PGS1: variants seen among roughly 807,000 people sequenced by gnomAD.
PGS1 encodes CDP-diacylglycerol--glycerol-3-phosphate 3-phosphatidyltransferase, mitochondrial.
In PGS1, 44 loss-of-function variants were observed where a neutral mutation model predicts 58.3. That is an observed-to-expected ratio of 0.75 (90% CI 0.59 to 0.97). PGS1 has a LOEUF of 0.97. PGS1 is among the 50% of genes least tolerant of loss of function. PGS1 has a pLI of 0.00. For synonymous variants in PGS1, 330 were observed against 311.0 expected (o/e 1.06, Z -0.64); for missense variants, 684 against 731.1 (o/e 0.94, Z 0.74).
intron 7 of PGS1, among the ~76,000 whole-genome samples, chr17:78,408,917 G>T (rs1200764920): frequency 2.0e-5 from 3 of 152,220 alleles, no homozygotes; most frequent in African/African-American, 7.2e-5. Flanking sequence ...ATCTGGATGG[G>T]TGCTGAGCTT....
At chr17:78,396,940 A>G (rs2146178751) in intron 3 of PGS1, among the ~76,000 whole-genome samples, 1 of 152,272 alleles carries the variant, frequency 6.6e-6, no homozygotes, top group South Asian at 2.1e-4. Context: ...TAAAGCTCCA[A>G]ATATTTACTC....
intron 7 of PGS1, among the ~76,000 whole-genome samples, chr17:78,409,030 C>T (rs890139426): frequency 3.3e-5 from 5 of 152,336 alleles, no homozygotes; most frequent in Middle Eastern, 3.4e-3. Flanking sequence ...CCAGTAAGCT[C>T]GCTTCGAGGT....
intron 9 of PGS1, chr17:78,420,846 C>T (rs1253965684): frequency 2.0e-5 from 3 of 152,126 alleles, no homozygotes; most frequent in Non-Finnish European, 4.4e-5. Flanking sequence ...CACACGTGTC[C>T]GTATTTCTAA....
At position 78,424,282 on chromosome 17, in the gene PGS1, C is replaced by T; in HGVS notation, c.*232C>T. 8.4e-7 allele frequency: 1 copy of T among 1,195,936 alleles called. No homozygotes were observed. The highest frequency in any genetic ancestry group is 1.1e-6 in the Non-Finnish European group (1 of 880,440). 74.1% of individuals were successfully genotyped at this position (1,195,936 alleles called of 1,614,324 possible). On this transcript the variant is annotated 3_prime_UTR_variant, in exon 10 of 10. Coordinates refer to ENST00000262764, the MANE Select transcript of PGS1 (RefSeq NM_024419.5). Reference sequence around the variant, plus strand: ...GGCTCTACCCCAAAAGGCTTCAGGCCAGCTGCCACGGCTGGAAGCAGAGGC... The same window carrying T: ...GGCTCTACCCCAAAAGGCTTCAGGCTAGCTGCCACGGCTGGAAGCAGAGGC...
In PGS1 at chr17:78,387,864, C is replaced by G. The variant is rs1332325056; in HGVS notation, c.144-4612C>G. ...CCTCCTGCCTCAGCCTCCTAAAGCA[C>G]TGGGATTATAGGCACATGCTACCGT... is the stretch of plus-strand genomic sequence containing the variant. On this transcript the variant is annotated intron_variant, in intron 1 of 9. Coordinates refer to ENST00000262764, the MANE Select transcript of PGS1 (RefSeq NM_024419.5). Among the ~76,000 whole-genome samples the G allele has an allele frequency of 2.6e-5, 4 of 152,166 alleles. No individual in the cohort carries two copies. The East Asian group carries it at 7.7e-4, about 29-fold the overall frequency.
chr17:78,424,067 C>T lies in PGS1; in HGVS notation c.*17C>T. 1 of 1,614,020 alleles carries T rather than the reference C, an allele frequency of 6.2e-7. No individual in the cohort carries two copies. Among genetic ancestry groups the T allele is most frequent in the Non-Finnish European group, 8.5e-7 (1 of 1,179,892 alleles). ...GTCTCCATGCGGTCCACAGGAATGG[C>T]CTTGATGAAGATGACAGGCATGGCC... On this transcript the variant is annotated 3_prime_UTR_variant, in exon 10 of 10. Transcript: ENST00000262764.
At chr17:78,382,638 T>C (rs796801310) in intron 1 of PGS1, 3 of 96,426 alleles carry the variant, frequency 3.1e-5, no homozygotes, top group East Asian at 2.5e-4. Context: ...ACAGAATGGT[T>C]TTTTTTTTTT....
At chr17:78,415,073 T>TA in intron 8 of PGS1, 46 bp downstream of exon 8, 1 of 1,603,476 alleles carries the variant, frequency 6.2e-7, no homozygotes, top group South Asian at 1.1e-5. Flanking sequence ...AGGGTGTGGC[T>TA]GGGGGCCCAG....
Position 78,382,108 on chromosome 17 carries a change from G to A in PGS1, c.143+3300G>A, listed in dbSNP as rs550597002. Among the ~76,000 whole-genome samples the A allele has an allele frequency of 2.6e-5, 4 of 152,302 alleles. No individual in the cohort carries two copies. In the East Asian group the frequency reaches 5.8e-4, roughly 22 times the overall value. On this transcript the variant is annotated intron_variant, in intron 1 of 9. Coordinates refer to ENST00000262764, the MANE Select transcript of PGS1 (RefSeq NM_024419.5). Reference sequence around the variant, plus strand: ...GGAGGGGTCGGAGTAGTTAGGCTCGGTGAAGAAGAGGGGGAGTGGATGTTC... The same window carrying A: ...GGAGGGGTCGGAGTAGTTAGGCTCGATGAAGAAGAGGGGGAGTGGATGTTC...
At chr17:78,397,350 T>C (rs182278651) in intron 3 of PGS1, among the ~76,000 whole-genome samples, 1 of 152,194 alleles carries the variant, frequency 6.6e-6, no homozygotes, top group Non-Finnish European at 1.5e-5. Context: ...TCAGAGTTAC[T>C]GGTGGGAGCT....
At chr17:78,401,816 C>T (rs977389125) in intron 6 of PGS1, among the ~76,000 whole-genome samples, 2 of 152,212 alleles carry the variant, frequency 1.3e-5, no homozygotes, top group African/African-American at 4.8e-5. Context: ...GAGTGCCTAC[C>T]TAGCATCCTC....
At chr17:78,381,995 A>G (rs1327215568) in intron 1 of PGS1, among the ~76,000 whole-genome samples, 1 of 152,164 alleles carries the variant, frequency 6.6e-6, no homozygotes, top group Non-Finnish European at 1.5e-5. Context: ...ACCCATAAAC[A>G]ATTACAAGAA....
intron 9 of PGS1, chr17:78,421,595 G>A (rs1270827209): frequency 1.3e-5 from 2 of 152,262 alleles, no homozygotes; most frequent in Non-Finnish European, 2.9e-5. Flanking sequence ...TAGTTATTAC[G>A]GTGTCCTGTG....
chr17:78,415,131 C>T (rs577423217), intron 8 of PGS1, 104 bp downstream of exon 8: 56 of 1,294,886 alleles, frequency 4.3e-5, no homozygotes, highest in East Asian at 3.2e-4. Context: ...CCTGAGGCAA[C>T]GAGTGAGACT....
At chr17:78,423,575 A>C in intron 9 of PGS1, 3 of 313,462 alleles carry the variant, frequency 9.6e-6, no homozygotes, top group Non-Finnish European at 1.8e-5. Flanking sequence ...CCCCCCGGGA[A>C]GTCAGGATTT....
chr17:78,411,689 A>C (rs2084707535), intron 7 of PGS1, among the ~76,000 whole-genome samples: 1 of 152,116 alleles, frequency 6.6e-6, no homozygotes, highest in African/African-American at 2.4e-5. Context: ...TGTCAGGCCC[A>C]AAGGTCAGGC....
chr17:78,420,266 C>T (rs2085594112), intron 9 of PGS1: 1 of 973,776 alleles, frequency 1.0e-6, no homozygotes, highest in African/African-American at 1.8e-5. Context: ...GCTCTGCCCA[C>T]CCAGGAGGGG....
intron 4 of PGS1, among the ~76,000 whole-genome samples, chr17:78,398,992 TG>T (rs1377236344): frequency 6.6e-6 from 1 of 152,148 alleles, no homozygotes; most frequent in African/African-American, 2.4e-5. Context: ...CTCATGGAGC[TG>T]GGGGTGAGGG....
intron 3 of PGS1, among the ~76,000 whole-genome samples, chr17:78,396,765 A>C (rs1341336259): frequency 6.6e-6 from 1 of 152,278 alleles, no homozygotes; most frequent in Non-Finnish European, 1.5e-5. Flanking sequence ...TAATTGGGGA[A>C]GAGAAAAAAT....
Sources: gnomAD v4.1 joint callset for allele counts (sites outside exome capture counted in the v4.1 genomes callset) on GRCh38, gnomAD v4.1.1 for gene constraint, MANE v1.5 for transcripts, NCBI Gene and HGNC (gene_info 2026-07-23, HGNC 2026-07-21) for gene names.